RBBP8: variants seen among roughly 807,000 people sequenced by gnomAD.
RBBP8 encodes the protein RB binding protein 8, endonuclease.
RBBP8 carries 88 observed loss-of-function variants against 108.3 expected under a neutral mutation model. The observed-to-expected ratio is 0.81, with a 90% CI of 0.68 to 0.97. The LOEUF (loss-of-function observed/expected upper bound fraction) is 0.97, where lower values mean the gene tolerates loss of function less well. Among genes scored for constraint, RBBP8 ranks in the 50% least tolerant of loss-of-function variants. RBBP8 has a pLI of 0.00. For missense variants in RBBP8, 1,023 were observed against 1,049.0 expected, an observed-to-expected ratio of 0.98 and a Z score of 0.34; for synonymous variants, 332 against 348.2, an observed-to-expected ratio of 0.95 and a Z score of 0.52.
chr18:23,000,093 T>C (rs766411732), intron 14 of RBBP8, among the ~76,000 whole-genome samples: 2 of 152,224 alleles, frequency 1.3e-5, no homozygotes, highest in Non-Finnish European at 2.9e-5. Context: ...ACTTACCTTA[T>C]GGAACGTACA....
At chr18:23,007,428 G>A (rs2046073598) in intron 16 of RBBP8, among the ~76,000 whole-genome samples, 1 of 151,916 alleles carries the variant, frequency 6.6e-6, no homozygotes, top group Non-Finnish European at 1.5e-5. Flanking sequence ...AGGTAGGCCA[G>A]GCATGGTGGC....
intron 4 of RBBP8, among the ~76,000 whole-genome samples, chr18:22,952,373 T>G (rs866186532): frequency 6.6e-6 from 1 of 152,124 alleles, no homozygotes; most frequent in South Asian, 2.1e-4. Flanking sequence ...GCATTCCTGA[T>G]TAAGGTTTCA....
At position 22,993,343 on chromosome 18, in the gene RBBP8, A is replaced by C; in HGVS notation, c.1516A>C (p.Ser506Arg). 6.2e-7 allele frequency: 1 copy of C among 1,614,256 alleles called. No individual in the cohort carries two copies. The part of the protein sequence containing the change: ...RFSAIQRQEK[S>R]QGSETSKNKF... ...TTCAGCTATTCAGCGTCAAGAGAAA[A>C]GCCAAGGAAGTGAGACTTCTAAAAA... The change falls in exon 11 of 19, where the codon AGC becomes CGC. Residue 506 changes from serine (S) to arginine (R), a missense_variant. Physicochemically the swap from Ser to Arg is moderately radical, Grantham distance 110. Coordinates refer to ENST00000327155, the MANE Select transcript of RBBP8 (RefSeq NM_002894.3).
intron 15 of RBBP8, among the ~76,000 whole-genome samples, chr18:23,002,923 C>G (rs563108179): frequency 2.0e-5 from 3 of 152,256 alleles, no homozygotes; most frequent in Middle Eastern, 3.4e-3. Context: ...TTTTTCCCCC[C>G]AAGAAGGACC....
chr18:22,996,699 T>C (rs1391762160), intron 13 of RBBP8, among the ~76,000 whole-genome samples: 1 of 152,222 alleles, frequency 6.6e-6, no homozygotes, highest in Non-Finnish European at 1.5e-5. Context: ...TAATATAGTT[T>C]TTAAAAGAAT....
At chr18:22,989,451 T>C (rs1915536576) in intron 9 of RBBP8, 133 bp downstream of exon 9, 6 of 636,024 alleles carry the variant, frequency 9.4e-6, no homozygotes, top group Non-Finnish European at 1.7e-5. Context: ...ACTTACATTG[T>C]TAGAAAGTCC....
intron 16 of RBBP8, among the ~76,000 whole-genome samples, chr18:23,008,769 A>ATTTTTTTTT (rs71161355): frequency 5.0e-5 from 5 of 100,024 alleles, no homozygotes; most frequent in Non-Finnish European, 9.3e-5. Flanking sequence ...TATGACTTTG[A>ATTTTTTTTT]TTTTTTTTTT....
chr18:23,018,805 A>G (rs1183236936), intron 17 of RBBP8, among the ~76,000 whole-genome samples: 1 of 152,196 alleles, frequency 6.6e-6, no homozygotes, highest in African/African-American at 2.4e-5. Flanking sequence ...CTTTTACTGA[A>G]TAGTCCCAGG....
At chr18:22,948,074 ATGTGTGTAAATCTTCAATG>A (rs1911722437) in intron 3 of RBBP8, among the ~76,000 whole-genome samples, 1 of 152,138 alleles carries the variant, frequency 6.6e-6, no homozygotes, top group Non-Finnish European at 1.5e-5. Flanking sequence ...GAAAATGTAT[ATGTGTGTAAATCTTCAATG>A]TGTGTGTAAA....
chr18:22,962,690 C>A (rs1392411056), intron 4 of RBBP8, among the ~76,000 whole-genome samples: 1 of 146,332 alleles, frequency 6.8e-6, no homozygotes, highest in East Asian at 2.2e-4. Flanking sequence ...CATACACACC[C>A]CCTCCTCTCC....
Position 22,984,815 on chromosome 18 carries a change from T to C in RBBP8, c.605-71T>C, listed in dbSNP as rs904100390. On this transcript the variant is annotated intron_variant, in intron 7 of 18. Transcript: ENST00000327155. ...CATAAAAATTTTAAATATGAATAAA[T>C]AAAAATAATTTGATAATGCTTTTCA... 4.3e-5 allele frequency: 38 copies of C among 892,618 alleles called. No homozygotes were observed. The Admixed American group carries it at 7.9e-4, about 19-fold the overall frequency. 55.3% of individuals were successfully genotyped at this position (892,618 alleles called of 1,614,324 possible).
intron 3 of RBBP8, among the ~76,000 whole-genome samples, chr18:22,921,549 T>C (rs562632459): frequency 3.6e-4 from 55 of 152,370 alleles, no homozygotes; most frequent in African/African-American, 1.2e-3. Context: ...ACGTGTCCGA[T>C]ACATCATGTT....
At chr18:23,008,246 T>C (rs1328518811) in intron 16 of RBBP8, among the ~76,000 whole-genome samples, 5 of 84,656 alleles carry the variant, frequency 5.9e-5, no homozygotes, top group Non-Finnish European at 1.2e-4. Context: ...AAAATTGTTA[T>C]TTTTTTCTTT....
In RBBP8 at chr18:22,986,139, C is replaced by G. The variant is rs550703258; in HGVS notation, c.709+1149C>G. On this transcript the variant is annotated intron_variant, in intron 8 of 18. Coordinates refer to ENST00000327155, the MANE Select transcript of RBBP8 (RefSeq NM_002894.3). ...CCCTGCCCCGAACCATTTTTCACCCCCTTAGAGAAAATACTGTAGCTGTTG... is the reference window on the plus strand; with the variant it reads ...CCCTGCCCCGAACCATTTTTCACCCGCTTAGAGAAAATACTGTAGCTGTTG... Among the ~76,000 whole-genome samples, 181 of 152,022 alleles carry G rather than the reference C, an allele frequency of 1.2e-3. 1 individual carries two copies. Among genetic ancestry groups the G allele is most frequent in the African/African-American group, 4.1e-3 (168 of 41,450 alleles).
intron 8 of RBBP8, among the ~76,000 whole-genome samples, chr18:22,988,518 C>T (rs1271205127): frequency 2.6e-5 from 4 of 152,176 alleles, no homozygotes; most frequent in Non-Finnish European, 5.9e-5. Context: ...TCTCTCGAGT[C>T]AGCTTAGGCA....
intron 4 of RBBP8, among the ~76,000 whole-genome samples, chr18:22,960,403 C>T (rs962468026): frequency 1.3e-5 from 2 of 152,134 alleles, no homozygotes; most frequent in Middle Eastern, 6.8e-3. Flanking sequence ...CAAAATTACC[C>T]AGCATGGTGG....
intron 3 of RBBP8, among the ~76,000 whole-genome samples, chr18:22,948,093 G>A (rs1275950356): frequency 3.3e-5 from 5 of 152,046 alleles, no homozygotes; most frequent in African/African-American, 1.2e-4. Flanking sequence ...AATCTTCAAT[G>A]TGTGTGTAAA....
At chr18:22,991,942 GT>G (rs1415597096) in intron 10 of RBBP8, among the ~76,000 whole-genome samples, 1 of 151,992 alleles carries the variant, frequency 6.6e-6, no homozygotes, top group East Asian at 1.9e-4. Context: ...TAATTTTTGG[GT>G]TTATTTTACA....
intron 6 of RBBP8, among the ~76,000 whole-genome samples, chr18:22,980,434 G>A (rs1024553887): frequency 1.3e-5 from 2 of 152,160 alleles, no homozygotes; most frequent in African/African-American, 2.4e-5. Flanking sequence ...AATTAGGTAT[G>A]TAGGTATCTG....
Sources: gnomAD v4.1 joint callset for allele counts (sites outside exome capture counted in the v4.1 genomes callset) on GRCh38, gnomAD v4.1.1 for gene constraint, MANE v1.5 for transcripts, NCBI Gene and HGNC (gene_info 2026-07-23, HGNC 2026-07-21) for gene names.